CHRDL2: variants seen among roughly 807,000 people sequenced by gnomAD.
CHRDL2 encodes the protein chordin-like protein 2.
Under a neutral mutation model 54.3 loss-of-function variants are expected in CHRDL2, and 41 were observed. The observed-to-expected ratio is 0.76, with a 90% confidence interval of 0.59 to 0.98. The LOEUF (loss-of-function observed/expected upper bound fraction) is 0.98. Ranked by LOEUF, CHRDL2 falls within the 50% of genes least tolerant of loss-of-function variation. CHRDL2 has a pLI of 0.00. For missense variants in CHRDL2, 518 were observed against 562.4 expected (o/e 0.92, Z 0.80); for synonymous variants, 220 against 224.3 (o/e 0.98, Z 0.17).
At chr11:74,722,274 C>T (rs2034511629) in intron 1 of CHRDL2, among the ~76,000 whole-genome samples, 1 of 152,204 alleles carries the variant, frequency 6.6e-6, no homozygotes. Context: ...CTCATCCCAC[C>T]TGTGCCCATG....
chr11:74,718,854 T>C (rs1316726011), intron 1 of CHRDL2, 22 bp from the exon 2 acceptor site: 2 of 1,492,702 alleles, frequency 1.3e-6, no homozygotes, highest in Non-Finnish European at 1.9e-6. Flanking sequence ...ACCAGTGCCA[T>C]GTTAGTCCCA....
rs749463029 is a variant in CHRDL2 at position 74,697,310 on chromosome 11, A to T, written c.1121-13T>A. 7 of 1,609,352 alleles carry T rather than the reference A, an allele frequency of 4.3e-6. No homozygotes were observed. The East Asian group carries it at 1.6e-4, about 36-fold the overall frequency. The stretch of plus-strand genomic sequence containing the variant: ...AAGTGGAAGATTCCTGAGGGCAGAG[A>T]CAAGGATGTGAGCAGGCAAGGCAAA... On this transcript the variant is annotated splice_polypyrimidine_tract_variant and intron_variant, in intron 9 of 10. Coordinates refer to ENST00000376332, the MANE Select transcript of CHRDL2 (RefSeq NM_001278473.3).
chr11:74,701,492 T>C (rs2033808206), intron 9 of CHRDL2: 1 of 650,936 alleles, frequency 1.5e-6, no homozygotes. Context: ...AGCTCCACTT[T>C]CTTCGTCCAT....
At chr11:74,717,761 G>T (rs1327484125) in intron 2 of CHRDL2, among the ~76,000 whole-genome samples, 1 of 152,202 alleles carries the variant, frequency 6.6e-6, no homozygotes, top group South Asian at 2.1e-4. Context: ...TCTGTGCAGG[G>T]AAAGAGTGGG....
chr11:74,710,503 C>T (rs542241794), intron 4 of CHRDL2, among the ~76,000 whole-genome samples: 3 of 152,192 alleles, frequency 2.0e-5, no homozygotes, highest in African/African-American at 7.2e-5. Context: ...TGATCATTTG[C>T]GTATTCATTC....
chr11:74,696,618 G>T, intron 10 of CHRDL2, 33 bp from the exon 11 acceptor site: 1 of 1,491,872 alleles, frequency 6.7e-7, no homozygotes, highest in Non-Finnish European at 9.4e-7. Flanking sequence ...GGGAAGAGGC[G>T]TATGTGTCTG....
chr11:74,705,135 A>C (rs2135243719), intron 6 of CHRDL2, among the ~76,000 whole-genome samples: 1 of 152,180 alleles, frequency 6.6e-6, no homozygotes, highest in African/African-American at 2.4e-5. Flanking sequence ...TGGGGCGTGA[A>C]GACCAAGAGC....
chr11:74,718,680 C>T, intron 2 of CHRDL2, 40 bp downstream of exon 2: 1 of 1,376,078 alleles, frequency 7.3e-7, no homozygotes, highest in Non-Finnish European at 1.0e-6. Context: ...GGTTCTCAGA[C>T]ATCCCTGACA....
intron 1 of CHRDL2, among the ~76,000 whole-genome samples, chr11:74,726,285 T>C (rs1304278733): frequency 2.6e-5 from 4 of 152,206 alleles, no homozygotes; most frequent in African/African-American, 9.7e-5. Context: ...CTGTTTCCTT[T>C]GTGGGAAATT....
intron 2 of CHRDL2, among the ~76,000 whole-genome samples, chr11:74,718,009 T>C (rs2034408567): frequency 6.6e-6 from 1 of 152,126 alleles, no homozygotes; most frequent in Non-Finnish European, 1.5e-5. Flanking sequence ...TACAAGGCCC[T>C]GTGGAGGTGC....
chr11:74,718,626 G>A, intron 2 of CHRDL2, 94 bp downstream of exon 2: 1 of 813,284 alleles, frequency 1.2e-6, no homozygotes, highest in Non-Finnish European at 2.0e-6. Context: ...TGACAGCACA[G>A]TTCTAGAAGG....
chr11:74,718,027 T>C (rs1235304842), intron 2 of CHRDL2, among the ~76,000 whole-genome samples: 1 of 152,152 alleles, frequency 6.6e-6, no homozygotes, highest in East Asian at 1.9e-4. Flanking sequence ...TGCTGGATTG[T>C]CATGGGGTGC....
At chr11:74,710,368 G>A (rs1033667475) in intron 4 of CHRDL2, among the ~76,000 whole-genome samples, 1 of 152,154 alleles carries the variant, frequency 6.6e-6, no homozygotes, top group Non-Finnish European at 1.5e-5. Flanking sequence ...TAACACTGCC[G>A]AGTCAGCCCT....
rs1183194360 is a variant in CHRDL2, at chr11:74,730,834, A to C, written c.55T>G (p.Phe19Val). 1.2e-6 allele frequency: 2 copies of C among 1,612,696 alleles called. No homozygotes were observed. Among genetic ancestry groups the C allele is most frequent in the African/African-American group, 2.7e-5 (2 of 74,908 alleles). ...GCTCGAGCGTGGGAGTCCAGGGGGA[A>C]CCAGAGCAGCGCGAGTCCCAGCAAG... The part of the protein sequence containing the change: ...SSLLGLALLW[F>V]PLDSHARARP... The change falls in exon 1 of 11, where the codon TTC becomes GTC. Residue 19 changes from phenylalanine (F) to valine (V), a missense_variant. By Grantham distance (50) the Phe-to-Val change is conservative. Transcript: ENST00000376332.
intron 1 of CHRDL2, among the ~76,000 whole-genome samples, chr11:74,728,835 A>C (rs2034609180): frequency 6.6e-6 from 1 of 152,188 alleles, no homozygotes; most frequent in African/African-American, 2.4e-5. Flanking sequence ...GAATCTTAAC[A>C]TTCTCCAATG....
chr11:74,711,520 T>C (rs2034192355), intron 3 of CHRDL2, among the ~76,000 whole-genome samples: 1 of 152,160 alleles, frequency 6.6e-6, no homozygotes, highest in African/African-American at 2.4e-5. Flanking sequence ...TGCCCATCAG[T>C]CCGTCCTCAT....
intron 4 of CHRDL2, among the ~76,000 whole-genome samples, chr11:74,709,499 C>T (rs1690489790): frequency 6.6e-6 from 1 of 152,220 alleles, no homozygotes; most frequent in Non-Finnish European, 1.5e-5. Flanking sequence ...CCAGGCATTT[C>T]TATGAACCTG....
intron 1 of CHRDL2, among the ~76,000 whole-genome samples, chr11:74,728,236 C>T (rs1221096431): frequency 6.6e-6 from 1 of 152,190 alleles, no homozygotes; most frequent in African/African-American, 2.4e-5. Flanking sequence ...ACCTCAGGAG[C>T]CTGATACCAC....
Position 74,704,551 on chromosome 11 carries a change from T to C in CHRDL2, c.686A>G (p.His229Arg). Residue 229 changes from histidine to arginine, a missense_variant, in exon 7 of 11, where the codon CAC (histidine) becomes CGC (arginine). Coordinates refer to ENST00000376332, the MANE Select transcript of CHRDL2 (RefSeq NM_001278473.3). Reference sequence around the variant, plus strand: ...GCTGCCTGCTCCCTTGGGTCTGAAGTGGCGAGGGATGAAGCTCAGAGGGGC... The same window carrying C: ...GCTGCCTGCTCCCTTGGGTCTGAAGCGGCGAGGGATGAAGCTCAGAGGGGC... ...LSAPLSFIPR[H>R]FRPKGAGSTT... 2 of 1,579,912 alleles carry C rather than the reference T, an allele frequency of 1.3e-6. No homozygotes were observed. The highest frequency in any genetic ancestry group is 1.7e-6 in the Non-Finnish European group (2 of 1,166,754).
Sources: gnomAD v4.1 joint callset for allele counts (sites outside exome capture counted in the v4.1 genomes callset) on GRCh38, gnomAD v4.1.1 for gene constraint, MANE v1.5 for transcripts, NCBI Gene and HGNC (gene_info 2026-07-23, HGNC 2026-07-21) for gene names.